OR6N1: variants seen among roughly 807,000 people sequenced by gnomAD.
OR6N1 encodes olfactory receptor 6N1.
For missense variants in OR6N1, 394 were observed against 371.7 expected (o/e 1.06, Z -0.49); for synonymous variants, 170 against 150.7 (o/e 1.13, Z -0.94).
Position 158,769,914 on chromosome 1 carries a change from T to C in OR6N1, c.-19+2107A>G, listed in dbSNP as rs565328380. ...CTATCCACTGCCCAATTCTGCCTTC[T>C]GTTTTCTTCAAGTCTTGAATGCATA... On this transcript the variant is annotated intron_variant, in intron 1 of 1. Transcript: ENST00000641846. Among the ~76,000 whole-genome samples, 4 of 152,360 alleles carry C rather than the reference T, an allele frequency of 2.6e-5. No individual in the cohort carries two copies. The South Asian group carries it at 8.3e-4, about 32-fold the overall frequency.
At chr1:158,786,669 T>C in the OR6N1 span, among the ~76,000 whole-genome samples, 86 of 152,228 alleles carry the variant, frequency 5.6e-4, 1 homozygote, top group South Asian at 0.016. Context: ...TACTCAGCCA[T>C]CAAAAGGAAC....
At chr1:158,823,200 T>C in the OR6N1 span, among the ~76,000 whole-genome samples, 1 of 152,186 alleles carries the variant, frequency 6.6e-6, no homozygotes, top group African/African-American at 2.4e-5. Context: ...CAGGTTTTAG[T>C]ATCAGGATGA....
the OR6N1 span, among the ~76,000 whole-genome samples, chr1:158,782,391 T>C: frequency 4.7e-4 from 72 of 152,276 alleles, no homozygotes; most frequent in African/African-American, 1.6e-3. Flanking sequence ...AAACTGAACA[T>C]ATTTGGGTTG....
Position 158,765,581 on chromosome 1 carries a change from A to G in OR6N1, c.*163T>C. ...CAAGCCAAATGTGGCTCCAGCAGAC[A>G]GTATGAAGGTCGCTATAACACTGGA... On this transcript the variant is annotated 3_prime_UTR_variant, in exon 2 of 2. Transcript: ENST00000641846. 1 of 605,764 alleles carries G rather than the reference A, an allele frequency of 1.7e-6. No individual in the cohort carries two copies. The allele number at this position is 605,764 out of a possible 1,614,324, so 37.5% of individuals were successfully genotyped here.
the OR6N1 span, among the ~76,000 whole-genome samples, chr1:158,822,715 G>A: frequency 1.3e-5 from 2 of 152,254 alleles, no homozygotes; most frequent in South Asian, 4.2e-4. Flanking sequence ...TCTCTTGCCC[G>A]ATTGTTCTGG....
At chr1:158,804,149 G>A in the OR6N1 span, among the ~76,000 whole-genome samples, 2 of 152,186 alleles carry the variant, frequency 1.3e-5, no homozygotes, top group East Asian at 3.8e-4. Context: ...TTATCTGATT[G>A]GTTCCTGAGA....
the OR6N1 span, among the ~76,000 whole-genome samples, chr1:158,779,204 C>T: frequency 6.6e-6 from 1 of 151,898 alleles, no homozygotes; most frequent in African/African-American, 2.4e-5. Flanking sequence ...GTAACAGATG[C>T]AAAAAGAAAA....
the OR6N1 span, among the ~76,000 whole-genome samples, chr1:158,821,133 A>G: frequency 6.6e-6 from 1 of 152,186 alleles, no homozygotes; most frequent in Admixed American, 6.5e-5. Flanking sequence ...ATTCCAAAAC[A>G]TCTTCTTTTT....
the OR6N1 span, chr1:158,777,334 G>T: frequency 6.2e-7 from 1 of 1,614,180 alleles, no homozygotes; most frequent in South Asian, 1.1e-5. Flanking sequence ...GAAGAAGTAG[G>T]TCTGAAGGAG....
At chr1:158,825,697 C>T in the OR6N1 span, among the ~76,000 whole-genome samples, 1 of 152,166 alleles carries the variant, frequency 6.6e-6, no homozygotes. Context: ...TTAGTTCAGT[C>T]ATTGTGAAAA....
At chr1:158,819,017 T>C in the OR6N1 span, among the ~76,000 whole-genome samples, 1 of 152,164 alleles carries the variant, frequency 6.6e-6, no homozygotes, top group African/African-American at 2.4e-5. Context: ...AGCTGCTTAA[T>C]TGAGCTGGGG....
In OR6N1 at chr1:158,767,854, T is replaced by A. The variant is rs1657317420; in HGVS notation, c.-18-1154A>T. Among the ~76,000 whole-genome samples the A allele has an allele frequency of 2.6e-5, 4 of 152,298 alleles. No homozygotes were observed. In the South Asian group the frequency reaches 8.3e-4, roughly 32 times the overall value. On this transcript the variant is annotated intron_variant, in intron 1 of 1. Transcript: ENST00000641846. ...TCTTTAAGTTTCTTCTTAAACCCACTCTAATTAGATTTATACTACCACCAC... is the reference window on the plus strand; with the variant it reads ...TCTTTAAGTTTCTTCTTAAACCCACACTAATTAGATTTATACTACCACCAC...
At chr1:158,800,301 C>A in the OR6N1 span, among the ~76,000 whole-genome samples, 16,643 of 151,780 alleles carry the variant, frequency 0.11, 990 homozygotes, top group African/African-American at 0.16. Flanking sequence ...CCCCATACCA[C>A]AAAGGAAAAG....
chr1:158,804,427 T>C, the OR6N1 span, among the ~76,000 whole-genome samples: 4 of 152,220 alleles, frequency 2.6e-5, no homozygotes, highest in East Asian at 7.7e-4. Context: ...TTAAACCAGA[T>C]TGAACTGGTT....
the OR6N1 span, among the ~76,000 whole-genome samples, chr1:158,821,425 T>C: frequency 2.6e-5 from 4 of 152,218 alleles, no homozygotes; most frequent in Admixed American, 6.5e-5. Context: ...TATAGTATCA[T>C]ATAGAGTAGT....
upstream of OR6N1, chr1:158,775,317 T>G (rs1255655750): frequency 1.3e-5 from 2 of 152,086 alleles, no homozygotes; most frequent in African/African-American, 4.8e-5. Flanking sequence ...AAATGAAATG[T>G]TGGGGAAAAA....
rs987626417 is a variant in OR6N1, at chr1:158,769,112, A to G, written c.-18-2412T>C. Among the ~76,000 whole-genome samples, 13 of 152,312 alleles carry G rather than the reference A, an allele frequency of 8.5e-5. 1 individual carries two copies. The highest frequency in any genetic ancestry group is 7.9e-4 in the Admixed American group (12 of 15,286). Reference sequence around the variant, plus strand: ...GCATATGCAGTAGGAGTTACAAGCCATGGGCTGGATATGGAGATAAATCAG... The same window carrying G: ...GCATATGCAGTAGGAGTTACAAGCCGTGGGCTGGATATGGAGATAAATCAG... On this transcript the variant is annotated intron_variant, in intron 1 of 1. Transcript: ENST00000641846.
At chr1:158,790,870 G>A in the OR6N1 span, among the ~76,000 whole-genome samples, 1 of 152,070 alleles carries the variant, frequency 6.6e-6, no homozygotes, top group African/African-American at 2.4e-5. Context: ...GACCAGATGG[G>A]GGTGATTGGA....
chr1:158,780,955 G>A, the OR6N1 span, among the ~76,000 whole-genome samples: 2 of 152,158 alleles, frequency 1.3e-5, no homozygotes, highest in Non-Finnish European at 2.9e-5. Flanking sequence ...CCAAATGGAG[G>A]GAATGGTGGA....
Sources: gnomAD v4.1 joint callset for allele counts (sites outside exome capture counted in the v4.1 genomes callset) on GRCh38, gnomAD v4.1.1 for gene constraint, MANE v1.5 for transcripts, NCBI Gene and HGNC (gene_info 2026-07-23, HGNC 2026-07-21) for gene names.